Variants in FDX1 observed in about 807,000 individuals in gnomAD.
FDX1 encodes adrenodoxin, mitochondrial.
In FDX1, 9 loss-of-function variants were observed where a neutral mutation model predicts 14.9. The observed-to-expected ratio is 0.60, with a 90% CI of 0.36 to 1.05. The LOEUF is 1.05. FDX1 is among the 50% of genes least tolerant of loss of function. The pLI, the probability that FDX1 is intolerant of heterozygous loss-of-function variation, is 0.01. For synonymous variants in FDX1, 92 were observed against 99.4 expected (o/e 0.93, Z 0.44); for missense variants, 204 against 237.2 (o/e 0.86, Z 0.92).
Position 110,430,183 on chromosome 11 carries a change from C to T in FDX1, c.63C>T (p.Ala21=). The change falls in exon 1 of 4, where the codon GCC becomes GCT. Residue 21 remains alanine (A), a synonymous_variant. Coordinates refer to ENST00000260270, the MANE Select transcript of FDX1 (RefSeq NM_004109.5). The part of the protein sequence containing the change: ...RAASAVLGGP[A]GRWLHHAGSR... ...CTTCTGCTGTCCTCGGCGGCCCGGCCGGCCGGTGGCTGCACCACGCTGGGT... is the reference window on the plus strand; with the variant it reads ...CTTCTGCTGTCCTCGGCGGCCCGGCTGGCCGGTGGCTGCACCACGCTGGGT... The T allele has an allele frequency of 1.6e-6, 2 of 1,231,000 alleles. No individual in the cohort carries two copies. Among genetic ancestry groups the T allele is most frequent in the East Asian group, 3.3e-5 (1 of 30,188 alleles). The allele number at this position is 1,231,000 out of a possible 1,614,324, so 76.3% of individuals were successfully genotyped here. A position where few individuals can be genotyped will look rare whatever the true frequency, so the allele number is the denominator to read the frequency against.
At chr11:110,442,713 A>G (rs1946412676) in intron 2 of FDX1, among the ~76,000 whole-genome samples, 1 of 152,164 alleles carries the variant, frequency 6.6e-6, no homozygotes, top group Admixed American at 6.5e-5. Flanking sequence ...TGGACTGTGG[A>G]CTTTTGAATT....
intron 1 of FDX1, among the ~76,000 whole-genome samples, chr11:110,431,123 AGC>A (rs1483389099): frequency 3.3e-5 from 5 of 152,154 alleles, no homozygotes; most frequent in African/African-American, 4.8e-5. Context: ...CAGCAGCAGC[AGC>A]AGCAGCAGCA....
chr11:110,429,915 C>G (rs1946316925), upstream of FDX1: 1 of 344,786 alleles, frequency 2.9e-6, no homozygotes, highest in African/African-American at 2.1e-5. Flanking sequence ...CCGCGCTCTG[C>G]TTGCCAATGT....
intron 2 of FDX1, among the ~76,000 whole-genome samples, chr11:110,438,907 TTTTG>T (rs1946387802): frequency 6.6e-6 from 1 of 152,106 alleles, no homozygotes; most frequent in African/African-American, 2.4e-5. Flanking sequence ...TACTTTGTTT[TTTTG>T]TTTGTTTTTT....
In FDX1 at chr11:110,464,087, A is replaced by AT. The variant is rs1207548147; in HGVS notation, c.*1625dup. On this transcript the variant is annotated 3_prime_UTR_variant, in exon 4 of 4. Transcript: ENST00000260270. ...ACCACCACGCCTGGCTAATTTTTGT[A>AT]TTTTTTCTAGGGACAGGGTTTTACC... 1 of 151,190 alleles carries AT rather than the reference A, an allele frequency of 6.6e-6. No homozygotes were observed. The highest frequency in any genetic ancestry group is 1.5e-5 in the Non-Finnish European group (1 of 67,818). The allele number at this position is 151,190 out of a possible 1,614,324, so 9.4% of individuals were successfully genotyped here.
At position 110,463,642 on chromosome 11, in the gene FDX1, TA is replaced by T. The variant is rs2134697087; in HGVS notation, c.*1177del. 1 of 152,344 alleles carries T rather than the reference TA, an allele frequency of 6.6e-6. No individual in the cohort carries two copies. Among genetic ancestry groups the T allele is most frequent in the South Asian group, 2.1e-4 (1 of 4,828 alleles). The allele number at this position is 152,344 out of a possible 1,614,324, so 9.4% of individuals were successfully genotyped here. ...TATTATTGCAGCTTGATCATTTATA[TA>T]AATATTTGTCTAGTACAATGCTTGA... On this transcript the variant is annotated 3_prime_UTR_variant, in exon 4 of 4. Coordinates refer to ENST00000260270, the MANE Select transcript of FDX1 (RefSeq NM_004109.5).
Position 110,430,044 on chromosome 11 carries a change from C to A in FDX1, c.-77C>A, listed in dbSNP as rs1273500984. On this transcript the variant is annotated 5_prime_UTR_variant, in exon 1 of 4. Coordinates refer to ENST00000260270, the MANE Select transcript of FDX1 (RefSeq NM_004109.5). The stretch of plus-strand genomic sequence containing the variant: ...CCTCGGGCGTCTGCGCCGCAGCTGC[C>A]GCCCCCGCCTCTTTGGAGTCTCTCG... 9.3e-7 allele frequency: 1 copy of A among 1,075,666 alleles called. No homozygotes were observed. Among genetic ancestry groups the A allele is most frequent in the Admixed American group, 4.5e-5 (1 of 22,418 alleles). The allele number at this position is 1,075,666 out of a possible 1,614,324, so 66.6% of individuals were successfully genotyped here. A position where few individuals can be genotyped will look rare whatever the true frequency, so the allele number is the denominator to read the frequency against.
chr11:110,434,725 G>GTTTTTTTTTTT lies in FDX1; in HGVS notation c.186-1096_186-1086dup, dbSNP rs56907322. On this transcript the variant is annotated intron_variant, in intron 1 of 3. Coordinates refer to ENST00000260270, the MANE Select transcript of FDX1 (RefSeq NM_004109.5). Reference sequence around the variant, plus strand: ...AGAGAGCTGTGTGATGACTTTTTTTGTTTTTTTTTTTTTTTTTTTTTTTGA... The same window carrying GTTTTTTTTTTT: ...AGAGAGCTGTGTGATGACTTTTTTTGTTTTTTTTTTTTTTTTTTTTTTTTTTTTTTTTTTGA... 1.8e-4 allele frequency among the ~76,000 whole-genome samples: 19 copies of GTTTTTTTTTTT among 105,740 alleles called. 1 individual carries two copies. The highest frequency in any genetic ancestry group is 3.8e-4 in the African/African-American group (11 of 29,314). 69.4% of individuals were successfully genotyped at this position (105,740 alleles called of 152,430 possible).
chr11:110,457,732 A>C (rs1946531072), intron 3 of FDX1, among the ~76,000 whole-genome samples: 1 of 139,326 alleles, frequency 7.2e-6, no homozygotes, highest in Non-Finnish European at 1.5e-5. Context: ...ATGACAAATA[A>C]TTTTTTAAAA....
chr11:110,460,303 A>G (rs557890379), intron 3 of FDX1, among the ~76,000 whole-genome samples: 38 of 152,308 alleles, frequency 2.5e-4, no homozygotes, highest in Non-Finnish European at 5.1e-4. Flanking sequence ...CTTGCTCACC[A>G]GTGAAACACA....
chr11:110,460,992 A>G (rs1459840692), intron 3 of FDX1, among the ~76,000 whole-genome samples: 2 of 152,220 alleles, frequency 1.3e-5, no homozygotes, highest in African/African-American at 2.4e-5. Flanking sequence ...TCATGAGTAC[A>G]TTAATAAAAC....
intron 2 of FDX1, among the ~76,000 whole-genome samples, chr11:110,451,954 G>A (rs921653536): frequency 6.6e-6 from 1 of 152,186 alleles, no homozygotes; most frequent in East Asian, 1.9e-4. Flanking sequence ...TTTTGACAAA[G>A]GTGCAAAGCA....
chr11:110,446,608 G>A (rs921196759), intron 2 of FDX1, among the ~76,000 whole-genome samples: 11 of 152,120 alleles, frequency 7.2e-5, no homozygotes, highest in Non-Finnish European at 1.6e-4. Flanking sequence ...TCCTACCTCA[G>A]TAATGAGCAC....
intron 2 of FDX1, among the ~76,000 whole-genome samples, chr11:110,442,976 A>AG (rs937324546): frequency 6.6e-6 from 1 of 152,074 alleles, no homozygotes; most frequent in African/African-American, 2.4e-5. Flanking sequence ...TTATAAGGGG[A>AG]GGGGGGTTCC....
At chr11:110,460,283 G>C (rs1335823335) in intron 3 of FDX1, among the ~76,000 whole-genome samples, 9 of 152,068 alleles carry the variant, frequency 5.9e-5, no homozygotes, top group Admixed American at 5.9e-4. Context: ...AAACTTCCTG[G>C]TGGTTCCTCC....
chr11:110,455,239 A>G (rs757043652), intron 2 of FDX1, among the ~76,000 whole-genome samples: 2 of 151,666 alleles, frequency 1.3e-5, no homozygotes, highest in Non-Finnish European at 2.9e-5. Context: ...ACCTCACGTG[A>G]TCCATCTGCC....
At position 110,430,400 on chromosome 11, in the gene FDX1, T is replaced by G. The variant is rs533688780; in HGVS notation, c.185+95T>G. ...GGCCGAGTCTCTGGTTCCAGTGCCT[T>G]CTGCGCGCCGGGCCCACACCCCGGA... is the stretch of plus-strand genomic sequence containing the variant. On this transcript the variant is annotated intron_variant, in intron 1 of 3. Coordinates refer to ENST00000260270, the MANE Select transcript of FDX1 (RefSeq NM_004109.5). The G allele has an allele frequency of 4.6e-5, 40 of 875,082 alleles. No homozygotes were observed. The Admixed American group carries it at 9.1e-4, about 20-fold the overall frequency. 54.2% of individuals were successfully genotyped at this position (875,082 alleles called of 1,614,324 possible). A position where few individuals can be genotyped will look rare whatever the true frequency, so the allele number is the denominator to read the frequency against.
chr11:110,456,558 C>T (rs144332211), intron 2 of FDX1, among the ~76,000 whole-genome samples: 270 of 148,228 alleles, frequency 1.8e-3, no homozygotes, highest in African/African-American at 6.1e-3. Flanking sequence ...TCTGTCACCC[C>T]GGCTAGAGTG....
chr11:110,459,063 T>A (rs994743119), intron 3 of FDX1, among the ~76,000 whole-genome samples: 2 of 152,180 alleles, frequency 1.3e-5, no homozygotes, highest in Admixed American at 6.5e-5. Flanking sequence ...AATGCCAGAT[T>A]CACAGTAGAG....
Sources: gnomAD v4.1 joint callset for allele counts (sites outside exome capture counted in the v4.1 genomes callset) on GRCh38, gnomAD v4.1.1 for gene constraint, MANE v1.5 for transcripts, NCBI Gene and HGNC (gene_info 2026-07-23, HGNC 2026-07-21) for gene names.